The following SORCS3 variants were observed in gnomAD, a reference collection of about 807,000 sequenced individuals.
The protein encoded by SORCS3 is VPS10 domain-containing receptor SorCS3.
SORCS3 carries 57 observed loss-of-function variants against 146.3 expected under a neutral mutation model. The observed-to-expected ratio is 0.39, with a 90% CI of 0.31 to 0.49. SORCS3 has a LOEUF of 0.49. Ranked by LOEUF, SORCS3 falls within the 20% of genes least tolerant of loss-of-function variation. The pLI is 0.92. For missense variants in SORCS3, 1,341 were observed against 1,575.5 expected (o/e 0.85, Z 2.52); for synonymous variants, 653 against 618.5 (o/e 1.06, Z -0.83).
chr10:104,913,054 A>G (rs1262860604), intron 2 of SORCS3, among the ~76,000 whole-genome samples: 1 of 152,214 alleles, frequency 6.6e-6, no homozygotes. Flanking sequence ...CTGGAGAGAA[A>G]GGGCCAGAGG....
At chr10:105,190,628 T>C (rs1030234885) in intron 14 of SORCS3, among the ~76,000 whole-genome samples, 2 of 152,144 alleles carry the variant, frequency 1.3e-5, no homozygotes, top group Non-Finnish European at 2.9e-5. Context: ...AGTCTTGAAC[T>C]CCTGACCTCA....
At chr10:104,769,351 G>T (rs1444464152) in intron 1 of SORCS3, among the ~76,000 whole-genome samples, 1 of 152,218 alleles carries the variant, frequency 6.6e-6, no homozygotes, top group Non-Finnish European at 1.5e-5. Flanking sequence ...GCCCACGGAG[G>T]TGTTGTGGGC....
intron 1 of SORCS3, among the ~76,000 whole-genome samples, chr10:104,794,915 T>C (rs1371834237): frequency 6.6e-6 from 1 of 152,026 alleles, no homozygotes; most frequent in Non-Finnish European, 1.5e-5. Flanking sequence ...AAGCCATAGA[T>C]GGTCTCAGTG....
At chr10:104,917,175 C>T (rs943218716) in intron 3 of SORCS3, among the ~76,000 whole-genome samples, 2 of 152,188 alleles carry the variant, frequency 1.3e-5, no homozygotes, top group Non-Finnish European at 2.9e-5. Flanking sequence ...AAGCTTTGAT[C>T]ATCAGGCTGG....
intron 5 of SORCS3, among the ~76,000 whole-genome samples, chr10:105,085,512 C>T (rs578262719): frequency 1.8e-4 from 27 of 152,176 alleles, no homozygotes; most frequent in African/African-American, 6.3e-4. Context: ...AGTGCTGGAG[C>T]TCAGGAGAAA....
chr10:105,196,790 CTTGGATCATA>C (rs2056546682), intron 14 of SORCS3, among the ~76,000 whole-genome samples: 1 of 152,120 alleles, frequency 6.6e-6, no homozygotes, highest in Non-Finnish European at 1.5e-5. Context: ...TGAAAGTGGT[CTTGGATCATA>C]TTGCCACCTG....
intron 1 of SORCS3, among the ~76,000 whole-genome samples, chr10:104,695,197 C>G (rs2133424910): frequency 6.6e-6 from 1 of 152,040 alleles, no homozygotes; most frequent in East Asian, 1.9e-4. Flanking sequence ...GAGAATCTTC[C>G]CAGAGATATT....
At chr10:105,085,319 A>C (rs1807247632) in intron 5 of SORCS3, among the ~76,000 whole-genome samples, 1 of 152,232 alleles carries the variant, frequency 6.6e-6, no homozygotes, top group African/African-American at 2.4e-5. Flanking sequence ...GGAGGGCCTC[A>C]GGCCACAGCT....
intron 25 of SORCS3, among the ~76,000 whole-genome samples, chr10:105,261,494 C>T (rs2056960211): frequency 1.3e-5 from 2 of 152,188 alleles, no homozygotes; most frequent in African/African-American, 4.8e-5. Context: ...AGCCACAATT[C>T]ACATTTTAAG....
At chr10:104,910,001 A>G (rs1441657488) in intron 2 of SORCS3, among the ~76,000 whole-genome samples, 1 of 152,260 alleles carries the variant, frequency 6.6e-6, no homozygotes, top group East Asian at 1.9e-4. Context: ...CCCACAATGT[A>G]CCAGTCCGCA....
At chr10:105,184,193 G>A (rs1030472642) in intron 14 of SORCS3, among the ~76,000 whole-genome samples, 1 of 152,168 alleles carries the variant, frequency 6.6e-6, no homozygotes, top group Non-Finnish European at 1.5e-5. Flanking sequence ...CTGGCCATAG[G>A]GCTTTTGTTG....
At chr10:105,181,148 A>T (rs1273500776) in intron 14 of SORCS3, among the ~76,000 whole-genome samples, 1 of 152,206 alleles carries the variant, frequency 6.6e-6, no homozygotes, top group African/African-American at 2.4e-5. Flanking sequence ...TGGAGGATTT[A>T]ACAGTATATA....
intron 7 of SORCS3, among the ~76,000 whole-genome samples, chr10:105,123,293 C>T (rs1334293638): frequency 6.6e-6 from 1 of 152,168 alleles, no homozygotes; most frequent in Non-Finnish European, 1.5e-5. Flanking sequence ...TCTTCTAACC[C>T]TAAAACTCCA....
chr10:104,755,054 T>G (rs12267290), intron 1 of SORCS3, among the ~76,000 whole-genome samples: 7,638 of 152,252 alleles, frequency 0.05, 194 homozygotes, highest in Admixed American at 0.066. Context: ...GCTAATGCAT[T>G]ACCGGTGAAT....
chr10:104,666,175 T>C (rs1789329233), intron 1 of SORCS3: 2 of 152,236 alleles, frequency 1.3e-5, no homozygotes, highest in African/African-American at 2.4e-5. Flanking sequence ...TCCCATTTTC[T>C]GGGATGTGCT....
At chr10:105,003,643 A>G (rs912804821) in intron 4 of SORCS3, among the ~76,000 whole-genome samples, 8 of 152,194 alleles carry the variant, frequency 5.3e-5, no homozygotes, top group African/African-American at 1.9e-4. Context: ...TGTACAAACC[A>G]CTTTTCATTA....
chr10:105,213,790 G>T (rs1362570522), intron 17 of SORCS3, among the ~76,000 whole-genome samples: 1 of 152,134 alleles, frequency 6.6e-6, no homozygotes, highest in East Asian at 1.9e-4. Context: ...GGGATAGTGA[G>T]ATTGAATAGG....
intron 14 of SORCS3, among the ~76,000 whole-genome samples, chr10:105,190,804 C>T (rs879138970): frequency 2.0e-5 from 3 of 152,186 alleles, no homozygotes; most frequent in Non-Finnish European, 4.4e-5. Flanking sequence ...ATAAGGCACA[C>T]TGTCTGCCCA....
At chr10:104,870,140 G>A (rs1251363195) in intron 2 of SORCS3, among the ~76,000 whole-genome samples, 5 of 152,190 alleles carry the variant, frequency 3.3e-5, no homozygotes, top group Admixed American at 6.5e-5. Flanking sequence ...AATTCTCTTA[G>A]GATGGTGCAC....
Sources: gnomAD v4.1 joint callset for allele counts (sites outside exome capture counted in the v4.1 genomes callset) on GRCh38, gnomAD v4.1.1 for gene constraint, MANE v1.5 for transcripts, NCBI Gene and HGNC (gene_info 2026-07-23, HGNC 2026-07-21) for gene names.